KLRD1: variants seen among roughly 807,000 people sequenced by gnomAD.
The protein encoded by KLRD1 is natural killer cells antigen CD94.
In KLRD1, 21 loss-of-function variants were observed where a neutral mutation model predicts 22.6. That is an observed-to-expected ratio of 0.93 (90% CI 0.66 to 1.34). The LOEUF (loss-of-function observed/expected upper bound fraction) is 1.34. KLRD1 is among the 40% of genes most tolerant of loss of function. The pLI, the probability that KLRD1 is intolerant of heterozygous loss-of-function variation, is 0.00. For synonymous variants in KLRD1, 59 were observed against 71.1 expected (o/e 0.83, Z 0.85); for missense variants, 183 against 208.6 (o/e 0.88, Z 0.76).
chr12:10,281,535 G>A (rs897017810), intron 1 of KLRD1, among the ~76,000 whole-genome samples: 12 of 152,082 alleles, frequency 7.9e-5, no homozygotes, highest in Non-Finnish European at 8.8e-5. Flanking sequence ...CAGGTTCATT[G>A]CCCATGTCAG....
At chr12:10,239,484 T>TCCTTCTTC (rs1555098504) in intron 1 of KLRD1, among the ~76,000 whole-genome samples, 4 of 127,466 alleles carry the variant, frequency 3.1e-5, no homozygotes, top group African/African-American at 1.3e-4. Flanking sequence ...CTTCCTTCCT[T>TCCTTCTTC]CTTCCTTCCT....
Position 10,241,235 on chromosome 12 carries a change from G to A in KLRD1, c.-101+15002G>A, listed in dbSNP as rs186076861. Reference sequence around the variant, plus strand: ...TGGCTGAAGTACTTTCATAAATAGCGACTTCACCTCATCAATTATTAGGTT... The same window carrying A: ...TGGCTGAAGTACTTTCATAAATAGCAACTTCACCTCATCAATTATTAGGTT... On this transcript the variant is annotated intron_variant, in intron 1 of 5. Transcript: ENST00000544747. Among the ~76,000 whole-genome samples the A allele has an allele frequency of 3.1e-4, 47 of 152,204 alleles. No homozygotes were observed. In the East Asian group the frequency reaches 8.9e-3, roughly 29 times the overall value.
intron 1 of KLRD1, among the ~76,000 whole-genome samples, chr12:10,269,510 A>G (rs1378908288): frequency 1.3e-5 from 2 of 152,236 alleles, no homozygotes; most frequent in Non-Finnish European, 1.5e-5. Context: ...GTCTTTGATT[A>G]GCTTACTTAT....
chr12:10,279,177 ATTG>A lies in KLRD1; in HGVS notation c.-100-28798_-100-28796del, dbSNP rs563101352. ...CACCCTCAAGCAGGTCCTGGTTTCTATTGTTCTCTTCTTTGTGTCCACATGTAT... is the reference window on the plus strand; with the variant it reads ...CACCCTCAAGCAGGTCCTGGTTTCTATTCTCTTCTTTGTGTCCACATGTAT... On this transcript the variant is annotated intron_variant, in intron 1 of 5. Coordinates refer to the KLRD1 transcript ENST00000544747. 4.4e-3 allele frequency among the ~76,000 whole-genome samples: 667 copies of A among 152,006 alleles called. 7 individuals carry two copies. Among genetic ancestry groups the A allele is most frequent in the Non-Finnish European group, 6.9e-3 (472 of 67,958 alleles).
In KLRD1 at chr12:10,316,427, G is replaced by T. The variant is rs970716305; in HGVS notation, c.*1634G>T. ...TTTATTATTTTTTTTTCTGAGACAC[G>T]GTTTCATTCCCATTGCCCAGGCTGT... On this transcript the variant is annotated 3_prime_UTR_variant, in exon 6 of 6. Transcript: ENST00000336164. 6.6e-6 allele frequency: 1 copy of T among 151,570 alleles called. No homozygotes were observed. The highest frequency in any genetic ancestry group is 2.4e-5 in the African/African-American group (1 of 41,182). 9.4% of individuals were successfully genotyped at this position (151,570 alleles called of 1,614,324 possible).
intron 1 of KLRD1, among the ~76,000 whole-genome samples, chr12:10,257,912 C>CTT (rs1240607186): frequency 1.3e-5 from 2 of 152,006 alleles, no homozygotes; most frequent in African/African-American, 4.8e-5. Context: ...TTGGGATTAG[C>CTT]TTTAGGTAAA....
chr12:10,248,045 G>A (rs964219999), intron 1 of KLRD1, among the ~76,000 whole-genome samples: 1 of 152,078 alleles, frequency 6.6e-6, no homozygotes, highest in Non-Finnish European at 1.5e-5. Context: ...AGTCACTGCT[G>A]GCCAGGAGAC....
chr12:10,266,874 G>T (rs4144705), intron 1 of KLRD1, among the ~76,000 whole-genome samples: 140,159 of 145,420 alleles, frequency 0.96, 67,764 homozygotes, highest in Middle Eastern at 1. Context: ...TCTTTTTTTT[G>T]TTTTTGAGTT....
chr12:10,245,930 T>C (rs1483674006), intron 1 of KLRD1, among the ~76,000 whole-genome samples: 1 of 152,192 alleles, frequency 6.6e-6, no homozygotes, highest in East Asian at 1.9e-4. Context: ...GTGATCCTAC[T>C]GCCTCAGCCT....
intron 1 of KLRD1, among the ~76,000 whole-genome samples, chr12:10,271,743 C>T (rs1229611983): frequency 6.6e-6 from 1 of 151,900 alleles, no homozygotes; most frequent in East Asian, 1.9e-4. Context: ...GATACATAAA[C>T]ATATAATTAA....
intron 1 of KLRD1, among the ~76,000 whole-genome samples, chr12:10,257,515 A>G (rs1320929059): frequency 8.8e-6 from 1 of 113,024 alleles, no homozygotes; most frequent in African/African-American, 3.5e-5. Flanking sequence ...TAGTAACAGT[A>G]TATTTTTCAG....
chr12:10,264,113 GT>G (rs1949478471), intron 1 of KLRD1, among the ~76,000 whole-genome samples: 1 of 152,054 alleles, frequency 6.6e-6, no homozygotes, highest in South Asian at 2.1e-4. Flanking sequence ...GAATATTCTT[GT>G]TTATTTAGCA....
intron 1 of KLRD1, among the ~76,000 whole-genome samples, chr12:10,294,492 A>G (rs1020278656): frequency 2.0e-5 from 3 of 152,044 alleles, no homozygotes; most frequent in African/African-American, 2.4e-5. Flanking sequence ...TCTGCCTCCC[A>G]GGTTCAAGCA....
chr12:10,309,689 G>A lies in KLRD1; in HGVS notation c.163+1G>A. Reference sequence around the variant, plus strand: ...GGACCCAACATAGAACTCCAGAAAGGTAGGTCACATTTTTTGGAAAACTTA... The same window carrying A: ...GGACCCAACATAGAACTCCAGAAAGATAGGTCACATTTTTTGGAAAACTTA... On this transcript the variant is annotated splice_donor_variant, in intron 3 of 5. Coordinates refer to ENST00000336164, the MANE Select transcript of KLRD1 (RefSeq NM_002262.5). LOFTEE classifies it high-confidence loss of function. 6.2e-7 allele frequency: 1 copy of A among 1,610,282 alleles called. No individual in the cohort carries two copies. Among genetic ancestry groups the A allele is most frequent in the Non-Finnish European group, 8.5e-7 (1 of 1,176,814 alleles).
At chr12:10,264,682 C>CTGTGTGTGTGTGTGTGTGTGTGTGTGTG (rs1288838996) in intron 1 of KLRD1, among the ~76,000 whole-genome samples, 6 of 149,868 alleles carry the variant, frequency 4.0e-5, no homozygotes, top group African/African-American at 1.5e-4. Context: ...TAGTTACCTT[C>CTGTGTGTGTGTGTGTGTGTGTGTGTGTG]TGTGTGTGTG....
At chr12:10,258,140 G>A (rs1434682828) in intron 1 of KLRD1, among the ~76,000 whole-genome samples, 1 of 152,134 alleles carries the variant, frequency 6.6e-6, no homozygotes, top group Non-Finnish European at 1.5e-5. Flanking sequence ...TCTAGCTTAG[G>A]TCAGTTTTTC....
At chr12:10,299,713 A>C (rs944382072), upstream of KLRD1, among the ~76,000 whole-genome samples, 3 of 152,128 alleles carry the variant, frequency 2.0e-5, no homozygotes, top group African/African-American at 7.2e-5. Context: ...TCTTAAAATA[A>C]AAAAATGAAT....
chr12:10,315,384 C>A lies in KLRD1; in HGVS notation c.*591C>A. The A allele has an allele frequency of 2.7e-6, 1 of 374,196 alleles. No individual in the cohort carries two copies. Among genetic ancestry groups the A allele is most frequent in the Admixed American group, 3.0e-5 (1 of 33,856 alleles). The allele number at this position is 374,196 out of a possible 1,614,324, so 23.2% of individuals were successfully genotyped here. A position where few individuals can be genotyped will look rare whatever the true frequency, so the allele number is the denominator to read the frequency against. On this transcript the variant is annotated 3_prime_UTR_variant, in exon 6 of 6. Transcript: ENST00000336164. ...CAAGGGATTCTCCCACCTTGGATTC[C>A]CAAAGTGCTGGGATTATAGGTGTGA...
rs149566040 is a variant in KLRD1 at position 10,259,546 on chromosome 12, G to A, written c.-101+33313G>A. Among the ~76,000 whole-genome samples the A allele has an allele frequency of 3.7e-3, 565 of 152,306 alleles. 2 individuals are homozygous for A. The highest frequency in any genetic ancestry group is 0.012 in the African/African-American group (511 of 41,558). On this transcript the variant is annotated intron_variant, in intron 1 of 5. Coordinates refer to the KLRD1 transcript ENST00000544747. ...TAAACTTTAGTTTTATGCAATTAAA[G>A]TAGTGGACATTATTTATGGTTTCAT... is the stretch of plus-strand genomic sequence containing the variant.
Sources: gnomAD v4.1 joint callset for allele counts (sites outside exome capture counted in the v4.1 genomes callset) on GRCh38, gnomAD v4.1.1 for gene constraint, MANE v1.5 for transcripts, NCBI Gene and HGNC (gene_info 2026-07-23, HGNC 2026-07-21) for gene names.